Variants in EWSR1 observed in about 807,000 individuals in gnomAD.
EWSR1 encodes the protein EWS RNA binding protein 1, also known as RNA-binding protein EWS.
In EWSR1, 14 loss-of-function variants were observed where a neutral mutation model predicts 92.1. The ratio of observed to expected loss-of-function variants is 0.15; its 90% CI spans 0.10 to 0.24. The LOEUF (loss-of-function observed/expected upper bound fraction) is 0.24. Ranked by LOEUF, EWSR1 falls within the 10% of genes least tolerant of loss-of-function variation. EWSR1 has a pLI of 1.00. For missense variants in EWSR1, 637 were observed against 870.9 expected (o/e 0.73, Z 3.38); for synonymous variants, 303 against 292.9 (o/e 1.03, Z -0.35).
chr22:29,286,008 T>C (rs964743148), intron 6 of EWSR1, among the ~76,000 whole-genome samples: 26 of 151,846 alleles, frequency 1.7e-4, no homozygotes, highest in Admixed American at 3.3e-4. Context: ...TGGCTAATTT[T>C]TTGTATTTTT....
At chr22:29,275,467 GTAA>G (rs1238915771) in intron 4 of EWSR1, among the ~76,000 whole-genome samples, 1 of 152,144 alleles carries the variant, frequency 6.6e-6, no homozygotes, top group Non-Finnish European at 1.5e-5. Context: ...ATTGCACTTA[GTAA>G]TAATAATGTT....
At chr22:29,291,682 T>G (rs767340064) in intron 9 of EWSR1, 83 bp downstream of exon 9, 25 of 1,308,508 alleles carry the variant, frequency 1.9e-5, no homozygotes, top group Admixed American at 4.4e-5. Flanking sequence ...TTTATTAGTT[T>G]CATAAGTGGT....
chr22:29,282,758 T>G (rs2147191991), intron 6 of EWSR1, among the ~76,000 whole-genome samples: 2 of 152,082 alleles, frequency 1.3e-5, no homozygotes, highest in East Asian at 3.9e-4. Context: ...CTATTCTTTT[T>G]TCTTTTTTTT....
intron 8 of EWSR1, chr22:29,291,345 C>G (rs2060427548): frequency 4.4e-6 from 2 of 456,778 alleles, no homozygotes; most frequent in Non-Finnish European, 7.8e-6. Context: ...ATGAAAGGAA[C>G]CAACCACACT....
At chr22:29,283,244 A>T (rs1176693114) in intron 6 of EWSR1, among the ~76,000 whole-genome samples, 2 of 152,252 alleles carry the variant, frequency 1.3e-5, no homozygotes, top group Non-Finnish European at 2.9e-5. Flanking sequence ...GCAGGGCATT[A>T]TAATTCACCT....
At chr22:29,296,435 T>C in intron 12 of EWSR1, 67 bp downstream of exon 12, 2 of 1,587,002 alleles carry the variant, frequency 1.3e-6, no homozygotes, top group Non-Finnish European at 1.7e-6. Flanking sequence ...GAGAAACTTG[T>C]GAACCATAGG....
At chr22:29,286,712 A>AT (rs1424587656) in intron 6 of EWSR1, among the ~76,000 whole-genome samples, 2 of 121,306 alleles carry the variant, frequency 1.6e-5, no homozygotes, top group Admixed American at 8.5e-5. Flanking sequence ...AAAAAAAAAA[A>AT]TTTTTTTGTT....
chr22:29,281,519 G>T (rs1435926592), intron 5 of EWSR1, among the ~76,000 whole-genome samples: 1 of 151,418 alleles, frequency 6.6e-6, no homozygotes, highest in African/African-American at 2.4e-5. Context: ...TTACCAGGCT[G>T]GTCTGAAACT....
intron 11 of EWSR1, among the ~76,000 whole-genome samples, chr22:29,292,895 T>C (rs2060550772): frequency 6.6e-6 from 1 of 151,892 alleles, no homozygotes; most frequent in African/African-American, 2.4e-5. Context: ...TAGCTGGGAT[T>C]ACAGGTGTGC....
intron 8 of EWSR1, 126 bp from the exon 9 acceptor site, chr22:29,291,436 T>G: frequency 6.3e-5 from 53 of 843,360 alleles, no homozygotes; most frequent in Non-Finnish European, 8.3e-5. Context: ...AGTGACAAGA[T>G]GAGAGAGATG....
rs577940778 is a variant in EWSR1, at chr22:29,274,372, G to T, written c.226+508G>T. 9.1e-5 allele frequency: 135 copies of T among 1,479,716 alleles called. No individual in the cohort carries two copies. In the African/African-American group the frequency reaches 1.6e-3, roughly 18 times the overall value. 91.7% of individuals were successfully genotyped at this position (1,479,716 alleles called of 1,614,324 possible). Reference sequence around the variant, plus strand: ...AATCCTTTAGGTGTTTTCATTTGTTGAACCCCCAAACTTTCTAACATCACA... The same window carrying T: ...AATCCTTTAGGTGTTTTCATTTGTTTAACCCCCAAACTTTCTAACATCACA... On this transcript the variant is annotated intron_variant, in intron 4 of 16. Coordinates refer to ENST00000397938, the MANE Select transcript of EWSR1 (RefSeq NM_005243.4).
chr22:29,282,357 C>T, intron 5 of EWSR1, 33 bp from the exon 6 acceptor site: 1 of 1,506,608 alleles, frequency 6.6e-7, no homozygotes. Context: ...AAAAAAGTCA[C>T]TTTTTAATTT....
At position 29,299,258 on chromosome 22, in the gene EWSR1, C is replaced by T; in HGVS notation, c.1605C>T (p.Ala535=). The T allele has an allele frequency of 6.2e-7, 1 of 1,614,100 alleles. No homozygotes were observed. The highest frequency in any genetic ancestry group is 8.5e-7 in the Non-Finnish European group (1 of 1,179,974). The change falls in exon 15 of 17, where the codon GCC becomes GCT. Residue 535 remains alanine (A), a synonymous_variant. Transcript: ENST00000397938. The stretch of plus-strand genomic sequence containing the variant: ...GGGGTTGTGGAAACCAGAACTTCGC[C>T]TGGAGAACAGAGTGCAACCAGTGTA... ...PNPGCGNQNF[A]WRTECNQCKA... is the part of the protein sequence containing the mutation.
intron 7 of EWSR1, 121 bp from the exon 8 acceptor site, chr22:29,288,485 T>G: frequency 1.1e-6 from 1 of 888,658 alleles, no homozygotes; most frequent in Non-Finnish European, 1.7e-6. Flanking sequence ...TATCGTGATG[T>G]AAAGAAGATG....
chr22:29,298,616 G>A (rs1368776151), intron 13 of EWSR1, 117 bp from the exon 14 acceptor site: 7 of 1,274,204 alleles, frequency 5.5e-6, no homozygotes, highest in Non-Finnish European at 6.8e-6. Context: ...ACACGGGACA[G>A]GTGATGGGGA....
chr22:29,295,601 C>G (rs550055945), intron 11 of EWSR1: 2 of 224,704 alleles, frequency 8.9e-6, no homozygotes, highest in South Asian at 3.7e-4. Context: ...TTTTTAAGTC[C>G]TATAAATAGA....
intron 14 of EWSR1, 122 bp from the exon 15 acceptor site, chr22:29,299,112 C>T (rs2061127796): frequency 1.9e-6 from 3 of 1,570,776 alleles, no homozygotes; most frequent in Non-Finnish European, 8.7e-7. Context: ...AGGCTGTGCC[C>T]TAAAGCATGG....
In EWSR1 at chr22:29,298,646, G is replaced by C. The variant is rs966830167; in HGVS notation, c.1418-87G>C. ...TGGGGAAATGACAGCAGTAGTATCT[G>C]TGGGTTTACTTAGTGATTTTTATTT... is the stretch of plus-strand genomic sequence containing the variant. On this transcript the variant is annotated intron_variant, in intron 13 of 16. Transcript: ENST00000397938. 121 of 1,514,184 alleles carry C rather than the reference G, an allele frequency of 8.0e-5. 1 individual carries two copies. Among genetic ancestry groups the C allele is most frequent in the Non-Finnish European group, 1.1e-4 (118 of 1,092,616 alleles). The allele number at this position is 1,514,184 out of a possible 1,614,324, so 93.8% of individuals were successfully genotyped here.
At position 29,298,895 on chromosome 22, in the gene EWSR1, C is replaced by T. The variant is rs371101669; in HGVS notation, c.1580C>T (p.Pro527Leu). The change falls in exon 14 of 17, where the codon CCG becomes CTG. Residue 527 changes from proline (P) to leucine (L), a missense_variant and splice_region_variant. By Grantham distance (98) the Pro-to-Leu change is moderately conservative. Transcript: ENST00000397938. ...GCTGGAGACTGGCAGTGTCCCAATCCGTATGTACTTGTCTTGGCAAATTGA... is the reference window on the plus strand; with the variant it reads ...GCTGGAGACTGGCAGTGTCCCAATCTGTATGTACTTGTCTTGGCAAATTGA... ...HRAGDWQCPN[P>L]GCGNQNFAWR... The T allele has an allele frequency of 1.2e-5, 19 of 1,541,978 alleles. No individual in the cohort carries two copies. Among genetic ancestry groups the T allele is most frequent in the Admixed American group, 2.2e-5 (1 of 45,444 alleles).
Sources: allele counts gnomAD v4.1 joint callset (sites outside exome capture counted in the v4.1 genomes callset), GRCh38; gene constraint gnomAD v4.1.1; transcripts MANE v1.5; gene names NCBI Gene and HGNC (gene_info 2026-07-23, HGNC 2026-07-21).